CCR6: variants seen among roughly 807,000 people sequenced by gnomAD.
The protein encoded by CCR6 is C-C chemokine receptor type 6.
CCR6 carries 2 observed loss-of-function variants against 3.0 expected under a neutral mutation model. The ratio of observed to expected loss-of-function variants is 0.66; its 90% CI spans 0.27 to 2.07. The LOEUF (loss-of-function observed/expected upper bound fraction) is 2.07, where lower values mean the gene tolerates loss of function less well. Ranked by LOEUF, CCR6 falls within the 30% of genes most tolerant of loss-of-function variation. The pLI is 0.14. For missense variants in CCR6, 322 were observed against 462.8 expected, an observed-to-expected ratio of 0.70 and a Z score of 2.79; for synonymous variants, 193 against 184.3, an observed-to-expected ratio of 1.05 and a Z score of -0.38.
At chr6:167,113,296 G>A (rs980583606) in intron 1 of CCR6, among the ~76,000 whole-genome samples, 16 of 152,064 alleles carry the variant, frequency 1.1e-4, no homozygotes, top group Admixed American at 7.9e-4. Flanking sequence ...ATAAGGGGGG[G>A]CTGTTTGGTT....
At chr6:167,112,928 G>A (rs767396043) in intron 1 of CCR6, among the ~76,000 whole-genome samples, 3 of 152,100 alleles carry the variant, frequency 2.0e-5, no homozygotes, top group Non-Finnish European at 4.4e-5. Flanking sequence ...TGTCTCCCAA[G>A]TGAAAGTGAT....
rs374068546 is a variant in CCR6, at chr6:167,136,665, C to T, written c.435C>T (p.Ile145=). The T allele has an allele frequency of 1.2e-5, 19 of 1,614,148 alleles. No homozygotes were observed. The highest frequency in any genetic ancestry group is 1.6e-4 in the Middle Eastern group (1 of 6,062). The part of the protein sequence containing the change: ...LLTCISMDRY[I]AIVQATKSFR... ...CTTGCATTAGCATGGACCGGTACAT[C>T]GCCATTGTACAGGCGACTAAGTCAT... is the stretch of plus-strand genomic sequence containing the variant. Residue 145 remains isoleucine (I), a synonymous_variant, in exon 3 of 3, where the codon ATC becomes ATT. Transcript: ENST00000341935. The surrounding 1 kb of genome is among the most constrained non-coding windows in gnomAD (Gnocchi z 4.6).
chr6:167,130,423 G>A (rs1391844645), intron 1 of CCR6, among the ~76,000 whole-genome samples: 1 of 151,892 alleles, frequency 6.6e-6, no homozygotes, highest in East Asian at 1.9e-4. Flanking sequence ...TCTGCAGCCT[G>A]TTTCTCCAAG....
At chr6:167,120,358 T>C (rs1781567459), upstream of CCR6, among the ~76,000 whole-genome samples, 1 of 152,238 alleles carries the variant, frequency 6.6e-6, no homozygotes, top group Non-Finnish European at 1.5e-5. Context: ...CTTTAGGGGT[T>C]AACAAAGCAT....
At chr6:167,130,384 C>T (rs1236852220) in intron 1 of CCR6, among the ~76,000 whole-genome samples, 2 of 151,836 alleles carry the variant, frequency 1.3e-5, no homozygotes, top group Admixed American at 1.3e-4. Flanking sequence ...TTCTTAGTGT[C>T]TTCACATCAA....
intron 1 of CCR6, among the ~76,000 whole-genome samples, chr6:167,129,998 G>A (rs188412751): frequency 1.3e-5 from 2 of 151,954 alleles, no homozygotes; most frequent in African/African-American, 4.9e-5. Context: ...AAAGAACAGT[G>A]TGTCCTACAG....
chr6:167,117,324 A>G (rs943105550), intron 1 of CCR6, among the ~76,000 whole-genome samples: 1 of 151,404 alleles, frequency 6.6e-6, no homozygotes, highest in African/African-American at 2.4e-5. Context: ...GGCTGAGGGA[A>G]TGGAAGGTGT....
intron 1 of CCR6, chr6:167,126,263 C>G (rs1781667559): frequency 6.6e-6 from 1 of 152,162 alleles, no homozygotes; most frequent in Non-Finnish European, 1.5e-5. Flanking sequence ...TATAGCTTAT[C>G]ATTATTTGCC....
Position 167,136,275 on chromosome 6 carries a change from T to C in CCR6, c.45T>C (p.Ser15=). Residue 15 remains serine (S), a synonymous_variant, in exon 3 of 3, where the codon AGT becomes AGC. Coordinates refer to ENST00000341935, the MANE Select transcript of CCR6 (RefSeq NM_031409.4). This position sits in a 1 kb window ranked among gnomAD's most constrained non-coding sequence, Gnocchi z 4.6. ...SMNFSDVFDS[S]EDYFVSVNTS... is the part of the protein sequence containing the mutation. ...ATTTCAGCGATGTTTTCGACTCCAG[T>C]GAAGATTATTTTGTGTCAGTCAATA... is the stretch of plus-strand genomic sequence containing the variant. 1.2e-6 allele frequency: 2 copies of C among 1,608,864 alleles called. No individual in the cohort carries two copies. The highest frequency in any genetic ancestry group is 1.7e-6 in the Non-Finnish European group (2 of 1,177,304).
intron 1 of CCR6, among the ~76,000 whole-genome samples, chr6:167,130,982 C>CCTCCGGGACTCCTCA (rs1781750493): frequency 7.8e-6 from 1 of 128,694 alleles, no homozygotes. Flanking sequence ...GACCACCCTC[C>CCTCCGGGACTCCTCA]CTCTGGACCC....
At chr6:167,133,932 G>GTGTATATATATA (rs1183741225) in intron 1 of CCR6, among the ~76,000 whole-genome samples, 4,286 of 109,838 alleles carry the variant, frequency 0.039, 530 homozygotes, top group East Asian at 0.051. Flanking sequence ...ATATATGTGT[G>GTGTATATATATA]TATATATATA....
chr6:167,122,782 A>C (rs1265144137), upstream of CCR6: 2 of 152,336 alleles, frequency 1.3e-5, no homozygotes, highest in African/African-American at 2.4e-5. This position sits in a 1 kb window ranked among gnomAD's most constrained non-coding sequence, Gnocchi z 4.2. Context: ...AAACGTTCCC[A>C]AATCTTCCCA....
upstream of CCR6, among the ~76,000 whole-genome samples, chr6:167,120,504 TA>T (rs1781569571): frequency 6.6e-6 from 1 of 152,100 alleles, no homozygotes; most frequent in African/African-American, 2.4e-5. Context: ...GTTTGTGAAT[TA>T]AAGGCAATCA....
At chr6:167,134,933 GTTTGCTTCAGATGGTGGA>G (rs1366577447) in intron 1 of CCR6, 1 of 152,234 alleles carries the variant, frequency 6.6e-6, no homozygotes, top group Non-Finnish European at 1.5e-5. Flanking sequence ...TTCTTTTTAA[GTTTGCTTCAGATGGTGGA>G]TTTCAAAGCC....
chr6:167,136,201 A>G lies in CCR6; in HGVS notation c.10-39A>G. 1 of 1,609,566 alleles carries G rather than the reference A, an allele frequency of 6.2e-7. No homozygotes were observed. Among genetic ancestry groups the G allele is most frequent in the Non-Finnish European group, 8.5e-7 (1 of 1,177,712 alleles). On this transcript the variant is annotated intron_variant, in intron 2 of 2. Transcript: ENST00000341935. The surrounding 1 kb of genome is among the most constrained non-coding windows in gnomAD (Gnocchi z 4.6). ...TTGGGTTCACTGTGGCTACTTGAAC[A>G]CTACACTGCAGCTAACTCTATCTTT...
rs111874598 is a variant in CCR6 at position 167,136,704 on chromosome 6, C to T, written c.474C>T (p.Ser158=). ...CGACTAAGTCATTCCGGCTCCGATC[C>T]AGAACACTACCGCGCAGCAAAATCA... The part of the protein sequence containing the change: ...VQATKSFRLR[S]RTLPRSKIIC... The change falls in exon 3 of 3, where the codon TCC becomes TCT. Residue 158 remains serine, a synonymous_variant. Coordinates refer to ENST00000341935, the MANE Select transcript of CCR6 (RefSeq NM_031409.4). This position sits in a 1 kb window ranked among gnomAD's most constrained non-coding sequence, Gnocchi z 4.6. The T allele has an allele frequency of 1.6e-5, 26 of 1,614,122 alleles. No individual in the cohort carries two copies. The African/African-American group carries it at 2.7e-4, about 17-fold the overall frequency.
chr6:167,113,536 G>A (rs748961687), intron 1 of CCR6, among the ~76,000 whole-genome samples: 7 of 152,158 alleles, frequency 4.6e-5, no homozygotes, highest in African/African-American at 1.2e-4. Context: ...TGTGGAATTT[G>A]GTGTGCTGCT....
chr6:167,130,973 ACCACCCTCCCTCTGGAC>A (rs1227909415), intron 1 of CCR6, among the ~76,000 whole-genome samples: 1 of 79,990 alleles, frequency 1.3e-5, no homozygotes, highest in Non-Finnish European at 2.6e-5. Flanking sequence ...TCCCTCTGGG[ACCACCCTCCCTCTGGAC>A]CCCCTCCCTT....
chr6:167,113,969 G>A (rs144859590), intron 1 of CCR6, among the ~76,000 whole-genome samples: 1 of 152,212 alleles, frequency 6.6e-6, no homozygotes, highest in East Asian at 1.9e-4. Context: ...CAAGGAAGAG[G>A]TTCCAGGATA....
Sources: allele counts gnomAD v4.1 joint callset (sites outside exome capture counted in the v4.1 genomes callset), GRCh38; gene constraint gnomAD v4.1.1; non-coding constraint Gnocchi (gnomAD v3.1); transcripts MANE v1.5; gene names NCBI Gene and HGNC (gene_info 2026-07-23, HGNC 2026-07-21).